Variants in SREK1 observed in about 807,000 individuals in gnomAD.
SREK1 encodes splicing regulatory glutamic acid and lysine rich protein 1, also known as splicing regulatory glutamine/lysine-rich protein 1.
Under a neutral mutation model 66.5 loss-of-function variants are expected in SREK1, and 13 were observed. The observed-to-expected ratio is 0.20, with a 90% confidence interval of 0.13 to 0.31. The LOEUF (loss-of-function observed/expected upper bound fraction) is 0.31. SREK1 is among the 10% of genes least tolerant of loss of function. SREK1 has a pLI of 1.00. For synonymous variants in SREK1, 265 were observed against 263.5 expected (o/e 1.01, Z -0.05); for missense variants, 607 against 769.6 (o/e 0.79, Z 2.50).
chr5:66,146,651 A>G (rs1344912004), intron 1 of SREK1, among the ~76,000 whole-genome samples: 2 of 151,900 alleles, frequency 1.3e-5, no homozygotes, highest in African/African-American at 4.8e-5. Flanking sequence ...CTTTATTCAC[A>G]GGTTTTCTGC....
rs1429300222 is a variant in SREK1, at chr5:66,178,932, C to T, written c.*64C>T. 3.4e-6 allele frequency: 5 copies of T among 1,451,252 alleles called. No individual in the cohort carries two copies. Among genetic ancestry groups the T allele is most frequent in the African/African-American group, 2.8e-5 (2 of 70,496 alleles). The allele number at this position is 1,451,252 out of a possible 1,614,324, so 89.9% of individuals were successfully genotyped here. ...AATCCAAAGCTTTTAATTCTCTCAACAAGATGTAAACAGGAAAGAAATCTA... is the reference window on the plus strand; with the variant it reads ...AATCCAAAGCTTTTAATTCTCTCAATAAGATGTAAACAGGAAAGAAATCTA... On this transcript the variant is annotated 3_prime_UTR_variant, in exon 12 of 12. Transcript: ENST00000334121.
intron 1 of SREK1, among the ~76,000 whole-genome samples, chr5:66,148,953 G>A (rs1436829296): frequency 1.3e-5 from 2 of 152,040 alleles, no homozygotes; most frequent in East Asian, 3.8e-4. Flanking sequence ...AGTTTATAAT[G>A]GTCAAAATAA....
intron 2 of SREK1, chr5:66,157,029 T>G: frequency 1.0e-6 from 1 of 985,062 alleles, no homozygotes; most frequent in Non-Finnish European, 1.2e-6. Context: ...GGTAGAATTC[T>G]ATCTTGGAAA....
chr5:66,169,274 TACAGGTTGAGACTC>T (rs1174829355), intron 7 of SREK1: 5 of 152,248 alleles, frequency 3.3e-5, no homozygotes, highest in Non-Finnish European at 5.9e-5. Flanking sequence ...TTTCTTTTCA[TACAGGTTGAGACTC>T]ACAAATTTGA....
chr5:66,175,580 A>G (rs1182162865), intron 10 of SREK1, among the ~76,000 whole-genome samples: 1 of 152,152 alleles, frequency 6.6e-6, no homozygotes, highest in Non-Finnish European at 1.5e-5. Context: ...TTTAGTGTGC[A>G]TGTGTGTAGG....
intron 2 of SREK1, 50 bp downstream of exon 2, chr5:66,153,646 T>C: frequency 1.9e-6 from 3 of 1,612,102 alleles, no homozygotes; most frequent in Non-Finnish European, 2.5e-6. Context: ...TCCTGTCTGT[T>C]ATTGCCTTTA....
chr5:66,176,219 A>G (rs866123964), intron 10 of SREK1, among the ~76,000 whole-genome samples: 1 of 152,040 alleles, frequency 6.6e-6, no homozygotes, highest in South Asian at 2.1e-4. Flanking sequence ...TGCCTTTGTC[A>G]TGTGCTGTGT....
intron 1 of SREK1, among the ~76,000 whole-genome samples, chr5:66,152,599 CTCTT>C (rs1017954215): frequency 2.0e-5 from 3 of 152,118 alleles, no homozygotes; most frequent in African/African-American, 7.2e-5. Flanking sequence ...CAAGTGATCT[CTCTT>C]TTTTTAGTGT....
At chr5:66,169,787 A>G (rs954100255) in intron 7 of SREK1, 2 of 217,834 alleles carry the variant, frequency 9.2e-6, no homozygotes, top group African/African-American at 4.6e-5. Context: ...AATCTTCTAT[A>G]CTGATTTGAG....
chr5:66,174,751 G>A, intron 9 of SREK1, 195 bp from the exon 10 acceptor site: 1 of 437,986 alleles, frequency 2.3e-6, no homozygotes, highest in Non-Finnish European at 4.0e-6. Flanking sequence ...TCATCAGTCT[G>A]TAAAATTTAT....
intron 2 of SREK1, chr5:66,156,379 A>C (rs1205641509): frequency 8.4e-7 from 1 of 1,187,064 alleles, no homozygotes; most frequent in African/African-American, 1.6e-5. Context: ...GTTGCAAATT[A>C]TATTGGGAGA....
At position 66,182,145 on chromosome 5, in the gene SREK1, G is replaced by T. The variant is rs1746551316; in HGVS notation, c.*3277G>T. On this transcript the variant is annotated 3_prime_UTR_variant, in exon 12 of 12. Transcript: ENST00000334121. ...TTATTGTTGAATTAACAATTAAAAT[G>T]AATCCCTTTGGAGGGATGGCATTGA... 6.6e-6 allele frequency: 1 copy of T among 151,698 alleles called. No individual in the cohort carries two copies. Among genetic ancestry groups the T allele is most frequent in the African/African-American group, 2.4e-5 (1 of 41,272 alleles). 9.4% of individuals were successfully genotyped at this position (151,698 alleles called of 1,614,324 possible).
intron 1 of SREK1, among the ~76,000 whole-genome samples, chr5:66,150,445 G>T (rs12523007): frequency 0.13 from 19,714 of 152,234 alleles, 1,435 homozygotes; most frequent in Admixed American, 0.22. Flanking sequence ...GTGATGTGTT[G>T]CTGGAACCAC....
intron 3 of SREK1, among the ~76,000 whole-genome samples, chr5:66,160,856 T>G (rs1744698320): frequency 6.6e-6 from 1 of 152,234 alleles, no homozygotes; most frequent in African/African-American, 2.4e-5. Flanking sequence ...GAGTTGTGCT[T>G]TTTTCCTTGA....
intron 5 of SREK1, 70 bp downstream of exon 5, chr5:66,162,662 C>T: frequency 2.9e-6 from 4 of 1,388,914 alleles, no homozygotes; most frequent in Non-Finnish European, 3.9e-6. Flanking sequence ...GTAATGAAGG[C>T]TTTTTTTTTC....
chr5:66,144,992 A>G (rs1743039099), intron 1 of SREK1: 1 of 987,146 alleles, frequency 1.0e-6, no homozygotes, highest in Non-Finnish European at 1.2e-6. Context: ...TGCTGACGAG[A>G]AAGCCTGCTG....
intron 1 of SREK1, among the ~76,000 whole-genome samples, chr5:66,151,834 CTTTTTTTT>C (rs60920757): frequency 1.2e-5 from 1 of 84,788 alleles, no homozygotes; most frequent in African/African-American, 4.2e-5. Flanking sequence ...GAGGTACATC[CTTTTTTTT>C]TTTTTTTTTT....
chr5:66,182,220 T>A lies in SREK1; in HGVS notation c.*3352T>A, dbSNP rs542290580. ...TTTACGTTTTCATTGGAAGACAGTA[T>A]CTGATTTCAACTGGTGCGTTACGAA... On this transcript the variant is annotated 3_prime_UTR_variant, in exon 12 of 12. Transcript: ENST00000334121. The A allele has an allele frequency of 6.6e-6, 1 of 152,328 alleles. No homozygotes were observed. Among genetic ancestry groups the A allele is most frequent in the South Asian group, 2.1e-4 (1 of 4,824 alleles). The allele number at this position is 152,328 out of a possible 1,614,324, so 9.4% of individuals were successfully genotyped here. A position where few individuals can be genotyped will look rare whatever the true frequency, so the allele number is the denominator to read the frequency against.
chr5:66,153,376 G>A (rs1463067375), intron 1 of SREK1, 87 bp from the exon 2 acceptor site: 6 of 1,513,310 alleles, frequency 4.0e-6, no homozygotes, highest in Non-Finnish European at 4.5e-6. Context: ...GTAAGATTAT[G>A]TAAAGGTTAA....
Sources: gnomAD v4.1 joint callset for allele counts (sites outside exome capture counted in the v4.1 genomes callset) on GRCh38, gnomAD v4.1.1 for gene constraint, MANE v1.5 for transcripts, NCBI Gene and HGNC (gene_info 2026-07-23, HGNC 2026-07-21) for gene names.